ERP44: variants seen among roughly 807,000 people sequenced by gnomAD.
ERP44 encodes the protein endoplasmic reticulum protein 44.
A neutral mutation model predicts 53.4 loss-of-function variants in ERP44; 25 were observed. The ratio of observed to expected loss-of-function variants is 0.47; its 90% CI spans 0.34 to 0.65. The LOEUF (loss-of-function observed/expected upper bound fraction) is 0.65. ERP44 is among the 30% of genes least tolerant of loss of function. The pLI, the probability that ERP44 is intolerant of heterozygous loss-of-function variation, is 0.01. For missense variants in ERP44, 338 were observed against 493.2 expected (o/e 0.69, Z 2.98); for synonymous variants, 145 against 161.2 (o/e 0.90, Z 0.76).
chr9:100,041,910 A>G (rs1476738969), intron 4 of ERP44, among the ~76,000 whole-genome samples: 1 of 152,204 alleles, frequency 6.6e-6, no homozygotes, highest in Non-Finnish European at 1.5e-5. Flanking sequence ...TCAAATCAAA[A>G]TGGATTAACG....
chr9:100,023,824 GT>G lies in ERP44; in HGVS notation c.287-1599del, dbSNP rs1442533831. The stretch of plus-strand genomic sequence containing the variant: ...AATAGTTCTAATGGCCTACACTACA[GT>G]GTTGTAGTCTTGAGAATGGAAAATG... On this transcript the variant is annotated intron_variant, in intron 4 of 11. Transcript: ENST00000262455. 2.0e-5 allele frequency among the ~76,000 whole-genome samples: 3 copies of G among 152,128 alleles called. No individual in the cohort carries two copies. In the East Asian group the frequency reaches 5.8e-4, roughly 29 times the overall value.
At chr9:99,991,692 CA>C (rs966004481) in intron 10 of ERP44, among the ~76,000 whole-genome samples, 14 of 152,004 alleles carry the variant, frequency 9.2e-5, no homozygotes, top group African/African-American at 3.4e-4. Context: ...GATAGAGACA[CA>C]AAAACCCCTT....
chr9:100,016,388 C>G lies in ERP44; in HGVS notation c.696G>C (p.Val232=). The G allele has an allele frequency of 6.2e-7, 1 of 1,612,066 alleles. No homozygotes were observed. The highest frequency in any genetic ancestry group is 1.7e-4 in the Middle Eastern group (1 of 6,056). The change falls in exon 8 of 12, where the codon GTG becomes GTC. Residue 232 remains valine (V), a synonymous_variant. Coordinates refer to ENST00000262455, the MANE Select transcript of ERP44 (RefSeq NM_015051.3). ...VYLGAMTNFD[V]TYNWIQDKCV... is the part of the protein sequence containing the mutation. The stretch of plus-strand genomic sequence containing the variant: ...ATTTATCTTGAATCCAATTGTAAGT[C>G]ACATCAAAATTTGTCATAGCTCCCA...
intron 1 of ERP44, among the ~76,000 whole-genome samples, chr9:100,078,515 G>A (rs1451827402): frequency 6.6e-6 from 1 of 151,382 alleles, no homozygotes; most frequent in Non-Finnish European, 1.5e-5. Flanking sequence ...AGCACTTTGG[G>A]AGGCAGTGGC....
chr9:100,071,385 T>C (rs1826302633), intron 1 of ERP44, among the ~76,000 whole-genome samples: 1 of 152,246 alleles, frequency 6.6e-6, no homozygotes, highest in South Asian at 2.1e-4. Context: ...ACTAAACATG[T>C]GGCCCTGACT....
At chr9:100,032,548 AAT>A (rs1306043089) in intron 4 of ERP44, among the ~76,000 whole-genome samples, 3 of 152,220 alleles carry the variant, frequency 2.0e-5, no homozygotes, top group Non-Finnish European at 4.4e-5. Context: ...TATTTGTATA[AAT>A]ATGTTACTGG....
intron 10 of ERP44, among the ~76,000 whole-genome samples, chr9:100,000,895 TG>T (rs1308135381): frequency 6.6e-6 from 1 of 152,152 alleles, no homozygotes. Flanking sequence ...CTACTAAATT[TG>T]GGCTTGGTTT....
At chr9:100,056,298 T>C (rs1826088269) in intron 3 of ERP44, among the ~76,000 whole-genome samples, 1 of 152,218 alleles carries the variant, frequency 6.6e-6, no homozygotes, top group African/African-American at 2.4e-5. Context: ...CTTTGAAAAA[T>C]GCTACCTTTG....
chr9:100,022,916 C>A (rs1830609742), intron 4 of ERP44, among the ~76,000 whole-genome samples: 1 of 152,088 alleles, frequency 6.6e-6, no homozygotes, highest in African/African-American at 2.4e-5. Flanking sequence ...TTGGCAAATT[C>A]CATGTGGATT....
At chr9:100,009,353 C>T (rs1009089526) in intron 8 of ERP44, among the ~76,000 whole-genome samples, 2 of 152,098 alleles carry the variant, frequency 1.3e-5, no homozygotes, top group African/African-American at 4.8e-5. Flanking sequence ...ACCTCATGAT[C>T]CATCCCCCTC....
chr9:100,043,130 G>C (rs1174796441), intron 4 of ERP44, among the ~76,000 whole-genome samples: 1 of 151,136 alleles, frequency 6.6e-6, no homozygotes, highest in African/African-American at 2.4e-5. Flanking sequence ...ATGGTGGCGG[G>C]CACCTGTAGT....
At chr9:100,073,073 C>A (rs910084171) in intron 1 of ERP44, among the ~76,000 whole-genome samples, 3 of 152,124 alleles carry the variant, frequency 2.0e-5, no homozygotes, top group African/African-American at 7.2e-5. Context: ...ACATTTCAAG[C>A]AATTTTAAGT....
At chr9:99,983,571 A>AG (rs1213407710) in intron 11 of ERP44, among the ~76,000 whole-genome samples, 1 of 151,032 alleles carries the variant, frequency 6.6e-6, no homozygotes, top group African/African-American at 2.4e-5. Context: ...AAAAAAAAAA[A>AG]AAAAGAAAAG....
At chr9:100,086,697 G>A (rs1826487954) in intron 1 of ERP44, among the ~76,000 whole-genome samples, 1 of 152,154 alleles carries the variant, frequency 6.6e-6, no homozygotes, top group Non-Finnish European at 1.5e-5. Flanking sequence ...CAGCTAAAAA[G>A]AGAGGGAGCT....
chr9:100,097,396 A>C (rs1441702883), intron 1 of ERP44, among the ~76,000 whole-genome samples: 2 of 152,114 alleles, frequency 1.3e-5, no homozygotes, highest in African/African-American at 4.8e-5. Context: ...TTCATAACTC[A>C]AGCCATTTTG....
At chr9:100,052,938 G>T (rs1397988934) in intron 3 of ERP44, among the ~76,000 whole-genome samples, 2 of 151,772 alleles carry the variant, frequency 1.3e-5, no homozygotes, top group African/African-American at 2.4e-5. Context: ...TTTTTTTTGA[G>T]ACAGGGTCTC....
At chr9:100,027,413 A>G (rs1830664778) in intron 4 of ERP44, among the ~76,000 whole-genome samples, 1 of 152,164 alleles carries the variant, frequency 6.6e-6, no homozygotes, top group Non-Finnish European at 1.5e-5. Context: ...TTAAAATTAC[A>G]TTGATCAGTA....
At chr9:100,003,612 T>G (rs538183268) in intron 10 of ERP44, among the ~76,000 whole-genome samples, 1 of 150,248 alleles carries the variant, frequency 6.7e-6, no homozygotes, top group African/African-American at 2.5e-5. Flanking sequence ...AGCCTGAAAC[T>G]TGGGTCCACA....
intron 1 of ERP44, among the ~76,000 whole-genome samples, chr9:100,094,757 T>C (rs559689788): frequency 6.6e-6 from 1 of 151,298 alleles, no homozygotes; most frequent in South Asian, 2.1e-4. Flanking sequence ...GAGCCAGGAG[T>C]TCAAGACCAG....
Sources: allele counts gnomAD v4.1 joint callset (sites outside exome capture counted in the v4.1 genomes callset), GRCh38; gene constraint gnomAD v4.1.1; transcripts MANE v1.5; gene names NCBI Gene and HGNC (gene_info 2026-07-23, HGNC 2026-07-21).